Variants in MAST4 observed in about 807,000 individuals in gnomAD.
The protein encoded by MAST4 is microtubule associated serine/threonine kinase family member 4.
A neutral mutation model predicts 162.7 loss-of-function variants in MAST4; 89 were observed. The ratio of observed to expected loss-of-function variants is 0.55; its 90% CI spans 0.46 to 0.65. The LOEUF (loss-of-function observed/expected upper bound fraction) is 0.65, where lower values mean the gene tolerates loss of function less well. Ranked by LOEUF, MAST4 falls within the 30% of genes least tolerant of loss-of-function variation. MAST4 has a pLI of 0.00. For missense variants in MAST4, 3,153 were observed against 3,374.0 expected (o/e 0.93, Z 1.62); for synonymous variants, 1,479 against 1,361.1 (o/e 1.09, Z -1.91).
At chr5:66,768,541 T>A (rs531507758) in intron 2 of MAST4, among the ~76,000 whole-genome samples, 89 of 152,212 alleles carry the variant, frequency 5.8e-4, no homozygotes, top group African/African-American at 2.0e-3. Flanking sequence ...TCCAAAGAGG[T>A]TATACTGTAT....
At chr5:67,159,044 C>T (rs899587392) in intron 26 of MAST4, among the ~76,000 whole-genome samples, 5 of 151,818 alleles carry the variant, frequency 3.3e-5, no homozygotes, top group African/African-American at 7.3e-5. Flanking sequence ...CAAAAAACAA[C>T]AAAAAAAGAG....
At chr5:67,087,999 T>G (rs1483372471) in intron 5 of MAST4, among the ~76,000 whole-genome samples, 1 of 151,770 alleles carries the variant, frequency 6.6e-6, no homozygotes, top group Non-Finnish European at 1.5e-5. Flanking sequence ...CAGCCTTGTT[T>G]TATTTTTATT....
intron 27 of MAST4, 98 bp downstream of exon 27, chr5:67,160,690 T>C (rs1773092958): frequency 7.4e-7 from 1 of 1,345,694 alleles, no homozygotes; most frequent in Non-Finnish European, 1.0e-6. Flanking sequence ...AGATCTATTT[T>C]TCTGTGAGAA....
chr5:67,064,608 A>G (rs963081964), intron 5 of MAST4, among the ~76,000 whole-genome samples: 2 of 152,234 alleles, frequency 1.3e-5, no homozygotes, highest in African/African-American at 4.8e-5. Flanking sequence ...TGTCCATAAT[A>G]TAATCCATTT....
At chr5:67,021,154 C>T (rs1561541125) in intron 4 of MAST4, among the ~76,000 whole-genome samples, 1 of 152,202 alleles carries the variant, frequency 6.6e-6, no homozygotes, top group African/African-American at 2.4e-5. Context: ...TCTCTGGTAA[C>T]CCTTCTACAG....
rs575200695 is a variant in MAST4 at position 66,786,149 on chromosome 5, G to A, written c.518-2521G>A. ...CTCCCAAAGTGTTGGTATTACAGGC[G>A]TGAGCCACTGTACCCAGCCTAATAA... On this transcript the variant is annotated intron_variant, in intron 2 of 28. Transcript: ENST00000403625. Among the ~76,000 whole-genome samples the A allele has an allele frequency of 3.9e-5, 6 of 152,218 alleles. No individual in the cohort carries two copies. In the East Asian group the frequency reaches 5.8e-4, roughly 15 times the overall value.
chr5:66,948,126 A>T (rs1341656412), intron 4 of MAST4, among the ~76,000 whole-genome samples: 1 of 152,156 alleles, frequency 6.6e-6, no homozygotes, highest in African/African-American at 2.4e-5. Context: ...CAGCTTAAAG[A>T]CTTAAACAGG....
At chr5:66,628,130 T>C in intron 1 of MAST4, among the ~76,000 whole-genome samples, 1 of 152,100 alleles carries the variant, frequency 6.6e-6, no homozygotes. Context: ...TCTCCTGAGC[T>C]CAAGTGATCC....
At position 67,004,697 on chromosome 5, in the gene MAST4, T is replaced by A. The variant is rs533489690; in HGVS notation, c.675-49707T>A. 13 of 314,560 alleles carry A rather than the reference T, an allele frequency of 4.1e-5. No individual in the cohort carries two copies. The South Asian group carries it at 5.4e-4, about 13-fold the overall frequency. 19.5% of individuals were successfully genotyped at this position (314,560 alleles called of 1,614,324 possible). The stretch of plus-strand genomic sequence containing the variant: ...GAACGCACGGCTCAACTCATGTAAT[T>A]ACTGTTTATAGCTGGCCGAGCCTGA... On this transcript the variant is annotated intron_variant, in intron 4 of 28. Coordinates refer to ENST00000403625, the MANE Select transcript of MAST4 (RefSeq NM_001164664.2).
intron 5 of MAST4, among the ~76,000 whole-genome samples, chr5:67,085,767 T>C: frequency 6.6e-6 from 1 of 152,140 alleles, no homozygotes; most frequent in East Asian, 1.9e-4. Flanking sequence ...AGTCTACAAT[T>C]ATATCTGGAG....
At position 66,697,221 on chromosome 5, in the gene MAST4, T is replaced by C. The variant is rs185055481; in HGVS notation, c.364-62488T>C. Among the ~76,000 whole-genome samples the C allele has an allele frequency of 6.9e-3, 1,049 of 152,326 alleles. 14 individuals are homozygous for C. The highest frequency in any genetic ancestry group is 0.024 in the African/African-American group (1,009 of 41,576). ...AAACTTATATCTGCTACCCTGAACT[T>C]GAGAGCTTCCCAATATTTAAAGACT... On this transcript the variant is annotated intron_variant, in intron 1 of 28. Coordinates refer to ENST00000403625, the MANE Select transcript of MAST4 (RefSeq NM_001164664.2).
At chr5:67,034,407 G>A (rs912315601) in intron 4 of MAST4, among the ~76,000 whole-genome samples, 28 of 152,158 alleles carry the variant, frequency 1.8e-4, no homozygotes, top group African/African-American at 6.0e-4. Context: ...TAGGGGTTAC[G>A]TAACAATGAT....
At chr5:67,057,003 C>A (rs1006560979) in intron 5 of MAST4, among the ~76,000 whole-genome samples, 9 of 152,120 alleles carry the variant, frequency 5.9e-5, no homozygotes, top group Non-Finnish European at 8.8e-5. Context: ...GCACCGCACC[C>A]AGCATTGTTT....
At chr5:66,953,064 C>G (rs1026005) in intron 4 of MAST4, among the ~76,000 whole-genome samples, 87,673 of 152,068 alleles carry the variant, frequency 0.58, 25,234 homozygotes, top group African/African-American at 0.59. Context: ...GCTGTTGAGA[C>G]AATGACAATG....
intron 5 of MAST4, among the ~76,000 whole-genome samples, chr5:67,066,775 A>G (rs1277305713): frequency 6.6e-6 from 1 of 152,094 alleles, no homozygotes; most frequent in African/African-American, 2.4e-5. Flanking sequence ...ATTGTCTTGT[A>G]TTTGTGTTGT....
rs777137562 is a variant in MAST4 at position 67,121,059 on chromosome 5, A to G, written c.1702A>G (p.Ser568Gly). Reference protein sequence around the residue: ...SLKLRRKPRESDFETIKLISN... With the variant: ...SLKLRRKPREGDFETIKLISN... ...GAAACTTCGAAGGAAACCTCGGGAA[A>G]GTGATTTTGAAACGATTAAATTGAT... Residue 568 changes from serine to glycine, a missense_variant, in exon 14 of 29, where the codon AGT becomes GGT. Coordinates refer to ENST00000403625, the MANE Select transcript of MAST4 (RefSeq NM_001164664.2). 5 of 1,611,392 alleles carry G rather than the reference A, an allele frequency of 3.1e-6. No homozygotes were observed. The South Asian group carries it at 4.4e-5, about 14-fold the overall frequency.
intron 1 of MAST4, among the ~76,000 whole-genome samples, chr5:66,745,099 A>G (rs1242795880): frequency 1.3e-5 from 2 of 152,218 alleles, no homozygotes; most frequent in Non-Finnish European, 2.9e-5. Flanking sequence ...TGTGAGTAGG[A>G]TATAATTATC....
intron 27 of MAST4, among the ~76,000 whole-genome samples, chr5:67,161,134 A>G (rs1034703773): frequency 6.6e-6 from 1 of 152,230 alleles, no homozygotes; most frequent in Admixed American, 6.5e-5. Flanking sequence ...TGCTGCTTGC[A>G]GACACTAGCA....
At chr5:66,911,024 G>A (rs901641913) in intron 4 of MAST4, among the ~76,000 whole-genome samples, 8 of 152,136 alleles carry the variant, frequency 5.3e-5, no homozygotes, top group African/African-American at 1.9e-4. Context: ...GGGATTACAG[G>A]CGTGAGCCAC....
Sources: gnomAD v4.1 joint callset for allele counts (sites outside exome capture counted in the v4.1 genomes callset) on GRCh38, gnomAD v4.1.1 for gene constraint, MANE v1.5 for transcripts, NCBI Gene and HGNC (gene_info 2026-07-23, HGNC 2026-07-21) for gene names.